The following MRAS variants were observed in gnomAD, a reference collection of about 807,000 sequenced individuals.
The protein encoded by MRAS is muscle RAS oncogene homolog, also known as ras-related protein M-Ras.
In MRAS, 4 loss-of-function variants were observed where a neutral mutation model predicts 20.9. That is an observed-to-expected ratio of 0.19 (90% CI 0.09 to 0.44). The LOEUF (loss-of-function observed/expected upper bound fraction) is 0.44. Among genes scored for constraint, MRAS ranks in the 20% least tolerant of loss-of-function variants. The pLI, the probability that MRAS is intolerant of heterozygous loss-of-function variation, is 0.99. For synonymous variants in MRAS, 98 were observed against 102.9 expected (o/e 0.95, Z 0.29); for missense variants, 154 against 277.5 (o/e 0.56, Z 3.16).
At chr3:138,380,451 T>C (rs1228051217) in intron 2 of MRAS, among the ~76,000 whole-genome samples, 2 of 151,928 alleles carry the variant, frequency 1.3e-5, no homozygotes, top group Non-Finnish European at 2.9e-5. Context: ...GAGCTGGGAT[T>C]ACAGGCGTGC....
intron 2 of MRAS, 130 bp from the exon 3 acceptor site, chr3:138,397,194 C>T: frequency 2.8e-6 from 3 of 1,081,276 alleles, no homozygotes; most frequent in Non-Finnish European, 3.9e-6. Flanking sequence ...AGAGCTTATG[C>T]AGCCTCTCAC....
intron 2 of MRAS, among the ~76,000 whole-genome samples, chr3:138,381,178 T>G (rs2054895631): frequency 6.6e-6 from 1 of 152,258 alleles, no homozygotes; most frequent in South Asian, 2.1e-4. Context: ...ACCTTTTTGC[T>G]GTTATGAATA....
At chr3:138,365,971 G>T (rs1369317709) in intron 1 of MRAS, among the ~76,000 whole-genome samples, 1 of 152,180 alleles carries the variant, frequency 6.6e-6, no homozygotes, top group African/African-American at 2.4e-5. Flanking sequence ...AAGCACTGGT[G>T]GCTTTCTAGA....
chr3:138,367,639 G>T (rs968280822), intron 1 of MRAS, among the ~76,000 whole-genome samples: 2 of 152,236 alleles, frequency 1.3e-5, no homozygotes, highest in Non-Finnish European at 2.9e-5. Context: ...GGAGGCCCGT[G>T]TGGGTAGAAG....
chr3:138,365,250 G>A (rs1392280832), intron 1 of MRAS, among the ~76,000 whole-genome samples: 3 of 152,116 alleles, frequency 2.0e-5, no homozygotes, highest in Non-Finnish European at 2.9e-5. Flanking sequence ...TGCTTTTAAC[G>A]TGATCACTAT....
chr3:138,395,663 G>A lies in MRAS; in HGVS notation c.194-1661G>A, dbSNP rs139973520. ...AACTTCTGCCAGTGACCCTCCAGCCGACTATATCATTCTTCACACTGTGTA... is the reference window on the plus strand; with the variant it reads ...AACTTCTGCCAGTGACCCTCCAGCCAACTATATCATTCTTCACACTGTGTA... On this transcript the variant is annotated intron_variant, in intron 2 of 5. Transcript: ENST00000423968. 1.1e-4 allele frequency among the ~76,000 whole-genome samples: 17 copies of A among 152,174 alleles called. No homozygotes were observed. In the East Asian group the frequency reaches 3.3e-3, roughly 29 times the overall value.
rs149149720 is a variant in MRAS at position 138,387,389 on chromosome 3, C to G, written c.194-9935C>G. 6.3e-3 allele frequency among the ~76,000 whole-genome samples: 964 copies of G among 152,334 alleles called. 7 individuals are homozygous for G. Among genetic ancestry groups the G allele is most frequent in the African/African-American group, 0.022 (927 of 41,568 alleles). On this transcript the variant is annotated intron_variant, in intron 2 of 5. Coordinates refer to ENST00000423968, the MANE Select transcript of MRAS (RefSeq NM_001085049.3). Reference sequence around the variant, plus strand: ...CCTCACCCCTCCTTTTAGACCTGCTCTTGTTCACAGGCTGTGGGGATGCCA... The same window carrying G: ...CCTCACCCCTCCTTTTAGACCTGCTGTTGTTCACAGGCTGTGGGGATGCCA...
rs183667657 is a variant in MRAS, at chr3:138,404,655, C to T, written c.*2386C>T. The T allele has an allele frequency of 1.3e-5, 2 of 152,346 alleles. No homozygotes were observed. Among genetic ancestry groups the T allele is most frequent in the Admixed American group, 6.5e-5 (1 of 15,300 alleles). 9.4% of individuals were successfully genotyped at this position (152,346 alleles called of 1,614,324 possible). On this transcript the variant is annotated 3_prime_UTR_variant, in exon 6 of 6. Transcript: ENST00000423968. ...GGTAAGCTTTCATCTCCCATGAACT[C>T]ATTTCCCCATAAATGAAATGGGTAA...
intron 2 of MRAS, among the ~76,000 whole-genome samples, chr3:138,394,404 A>G (rs966469783): frequency 1.3e-5 from 2 of 152,148 alleles, no homozygotes; most frequent in Non-Finnish European, 2.9e-5. Context: ...TGAAGTGCCA[A>G]ATGGCTCTGG....
chr3:138,378,384 C>T (rs753673544), intron 2 of MRAS, among the ~76,000 whole-genome samples: 5 of 152,240 alleles, frequency 3.3e-5, no homozygotes, highest in Non-Finnish European at 7.3e-5. Flanking sequence ...CAGCCAGGCT[C>T]TCCTGTGGCT....
intron 1 of MRAS, among the ~76,000 whole-genome samples, chr3:138,358,723 A>G (rs572965615): frequency 3.9e-4 from 59 of 152,374 alleles, no homozygotes; most frequent in African/African-American, 1.3e-3. Context: ...CTTGTAAACA[A>G]CTAACTAGCA....
chr3:138,354,832 G>A (rs1395592598), intron 1 of MRAS, among the ~76,000 whole-genome samples: 2 of 152,208 alleles, frequency 1.3e-5, no homozygotes, highest in Non-Finnish European at 2.9e-5. Flanking sequence ...TTAGGTTGGA[G>A]TGTGGTGGAG....
At chr3:138,383,028 G>A (rs998686342) in intron 2 of MRAS, among the ~76,000 whole-genome samples, 1 of 152,090 alleles carries the variant, frequency 6.6e-6, no homozygotes, top group African/African-American at 2.4e-5. Flanking sequence ...TCCTCCCTTT[G>A]GGCTGCCTCT....
At chr3:138,402,004 G>C (rs1402089997) in intron 5 of MRAS, among the ~76,000 whole-genome samples, 166 bp from the exon 6 acceptor site, 5 of 152,034 alleles carry the variant, frequency 3.3e-5, no homozygotes, top group Non-Finnish European at 7.4e-5. Context: ...CTCCTCCAGC[G>C]GCCAGGACAG....
Position 138,402,194 on chromosome 3 carries a change from G to A in MRAS, c.552G>A (p.Gln184=), listed in dbSNP as rs1037492887. The change falls in exon 6 of 6, where the codon CAG becomes CAA. Residue 184 remains glutamine, a synonymous_variant. Coordinates refer to ENST00000423968, the MANE Select transcript of MRAS (RefSeq NM_001085049.3). ...GGCAACAGATTCCGGAAAAAAGCCA[G>A]AAGAAGAAGAAGAAAACCAAATGGC... is the stretch of plus-strand genomic sequence containing the variant. The part of the protein sequence containing the change: ...VIRQQIPEKS[Q]KKKKKTKWRG... 1.2e-6 allele frequency: 2 copies of A among 1,611,850 alleles called. No individual in the cohort carries two copies. Among genetic ancestry groups the A allele is most frequent in the African/African-American group, 2.7e-5 (2 of 74,908 alleles).
At position 138,400,559 on chromosome 3, in the gene MRAS, A is replaced by AG; in HGVS notation, c.475dup (p.Asp159GlyfsTer12). The AG allele has an allele frequency of 6.2e-7, 1 of 1,613,600 alleles. No individual in the cohort carries two copies. ...ATTCCGTACATAGAAACCAGTGCCAAGGACCCACCTCTCAATGTCGACAAA... is the reference window on the plus strand; with the variant it reads ...ATTCCGTACATAGAAACCAGTGCCAAGGGACCCACCTCTCAATGTCGACAAA... On this transcript the variant is annotated frameshift_variant, in exon 5 of 6. Transcript: ENST00000423968. LOFTEE classifies it high-confidence loss of function.
rs185242713 is a variant in MRAS at position 138,397,817 on chromosome 3, A to G, written c.347+340A>G. On this transcript the variant is annotated intron_variant, in intron 3 of 5. Transcript: ENST00000423968. ...TTACCAGGTAAAGGGACACACATAC[A>G]TACACATAAAGCTCCCACAGATTAA... 8.3e-3 allele frequency among the ~76,000 whole-genome samples: 1,266 copies of G among 152,350 alleles called. 21 individuals are homozygous for G. The highest frequency in any genetic ancestry group is 0.029 in the African/African-American group (1,212 of 41,578).
Position 138,393,816 on chromosome 3 carries a change from A to T in MRAS, c.194-3508A>T, listed in dbSNP as rs1409560735. 3.3e-5 allele frequency among the ~76,000 whole-genome samples: 5 copies of T among 152,042 alleles called. No individual in the cohort carries two copies. In the East Asian group the frequency reaches 9.7e-4, roughly 30 times the overall value. On this transcript the variant is annotated intron_variant, in intron 2 of 5. Coordinates refer to ENST00000423968, the MANE Select transcript of MRAS (RefSeq NM_001085049.3). ...GTGACTCTCCTGCCTCAGCCTCCCG[A>T]GTAGCTGGGATTACAGGCACCTGCC...
chr3:138,393,961 G>C (rs1196748902), intron 2 of MRAS, among the ~76,000 whole-genome samples: 1 of 152,102 alleles, frequency 6.6e-6, no homozygotes, highest in Non-Finnish European at 1.5e-5. Flanking sequence ...AAAGTGCTGG[G>C]ATTACAGGCA....
Sources: gnomAD v4.1 joint callset for allele counts (sites outside exome capture counted in the v4.1 genomes callset) on GRCh38, gnomAD v4.1.1 for gene constraint, MANE v1.5 for transcripts, NCBI Gene and HGNC (gene_info 2026-07-23, HGNC 2026-07-21) for gene names.